FRMD4B: variants seen among roughly 807,000 people sequenced by gnomAD.
FRMD4B encodes FERM domain-containing protein 4B.
Under a neutral mutation model 141.5 loss-of-function variants are expected in FRMD4B, and 74 were observed. The observed-to-expected ratio is 0.52, with a 90% CI of 0.43 to 0.63. The LOEUF (loss-of-function observed/expected upper bound fraction) is 0.63. FRMD4B is among the 30% of genes least tolerant of loss of function. FRMD4B has a pLI of 0.00. For missense variants in FRMD4B, 1,366 were observed against 1,253.4 expected, an observed-to-expected ratio of 1.09 and a Z score of -1.36; for synonymous variants, 506 against 467.9, an observed-to-expected ratio of 1.08 and a Z score of -1.05.
At chr3:69,431,629 A>T (rs946787754) in intron 2 of FRMD4B, among the ~76,000 whole-genome samples, 1 of 152,202 alleles carries the variant, frequency 6.6e-6, no homozygotes, top group African/African-American at 2.4e-5. Flanking sequence ...GTAGGTTTTA[A>T]TATCACCCGC....
At chr3:69,517,511 T>G (rs11924415) in intron 1 of FRMD4B, among the ~76,000 whole-genome samples, 36,778 of 152,022 alleles carry the variant, frequency 0.24, 4,705 homozygotes, top group African/African-American at 0.31. Flanking sequence ...GAAGGAAAAT[T>G]GCCTGACCAT....
intron 5 of FRMD4B, among the ~76,000 whole-genome samples, chr3:69,277,161 C>G (rs945578547): frequency 1.6e-4 from 24 of 152,108 alleles, no homozygotes; most frequent in African/African-American, 4.3e-4. Flanking sequence ...ACTTGTCTTT[C>G]CACATTTATT....
chr3:69,229,529 C>T (rs768175852), intron 7 of FRMD4B, among the ~76,000 whole-genome samples: 7 of 152,222 alleles, frequency 4.6e-5, no homozygotes, highest in African/African-American at 9.6e-5. Flanking sequence ...GAGCTGTGGA[C>T]GTGACTATAA....
chr3:69,456,246 C>T (rs1575808682), intron 1 of FRMD4B, among the ~76,000 whole-genome samples: 1 of 151,438 alleles, frequency 6.6e-6, no homozygotes, highest in Non-Finnish European at 1.5e-5. Context: ...AGTGTTTGCA[C>T]AAAGTAAGAA....
intron 9 of FRMD4B, among the ~76,000 whole-genome samples, chr3:69,218,857 T>A (rs1200438929): frequency 1.3e-5 from 2 of 152,140 alleles, no homozygotes; most frequent in African/African-American, 4.8e-5. Flanking sequence ...TATGTAAACC[T>A]GACTTAAAAA....
chr3:69,397,299 G>A (rs1420288959), intron 2 of FRMD4B, among the ~76,000 whole-genome samples: 1 of 152,092 alleles, frequency 6.6e-6, no homozygotes, highest in African/African-American at 2.4e-5. Flanking sequence ...ATAAGTTGGT[G>A]GTTGCCAGGG....
chr3:69,397,854 G>A (rs905893198), intron 2 of FRMD4B, among the ~76,000 whole-genome samples: 3 of 152,054 alleles, frequency 2.0e-5, no homozygotes, highest in African/African-American at 7.2e-5. Context: ...ATTTTACATA[G>A]GTGAACTATA....
intron 1 of FRMD4B, among the ~76,000 whole-genome samples, chr3:69,456,614 G>C (rs1457639015): frequency 6.6e-6 from 1 of 151,916 alleles, no homozygotes; most frequent in Non-Finnish European, 1.5e-5. Flanking sequence ...AGGAAAGCAG[G>C]GTCCTTGTCT....
rs141416913 is a variant in FRMD4B at position 69,431,077 on chromosome 3, G to A, written c.-1+1557C>T. Among the ~76,000 whole-genome samples, 421 of 152,286 alleles carry A rather than the reference G, an allele frequency of 2.8e-3. 2 individuals carry two copies. The highest frequency in any genetic ancestry group is 9.5e-3 in the African/African-American group (396 of 41,560). ...GTGCAAAAAATCCAAGTGGAAAATC[G>A]CTGCTTGTGTTTTAGAGGGAATCAA... On this transcript the variant is annotated intron_variant, in intron 2 of 5. Transcript: ENST00000459638.
intron 19 of FRMD4B, among the ~76,000 whole-genome samples, chr3:69,183,381 C>T (rs1205301889): frequency 3.9e-5 from 6 of 152,024 alleles, no homozygotes; most frequent in African/African-American, 1.4e-4. Context: ...GATTTGGCCA[C>T]TGGACTGTTG....
intron 3 of FRMD4B, among the ~76,000 whole-genome samples, chr3:69,307,767 C>A (rs930988489): frequency 2.0e-5 from 3 of 152,154 alleles, no homozygotes; most frequent in Non-Finnish European, 4.4e-5. Flanking sequence ...ACCCTCTTTT[C>A]CAGTCTGCCA....
chr3:69,251,629 C>A (rs2093463953), intron 5 of FRMD4B, among the ~76,000 whole-genome samples: 1 of 152,232 alleles, frequency 6.6e-6, no homozygotes, highest in Non-Finnish European at 1.5e-5. Flanking sequence ...AGGAGAGGAT[C>A]TGCTTCAAAG....
chr3:69,528,252 CCCTCCCTTCCTTCCTT>C (rs893518196), intron 1 of FRMD4B, among the ~76,000 whole-genome samples: 14 of 149,514 alleles, frequency 9.4e-5, no homozygotes, highest in Admixed American at 9.3e-4. Flanking sequence ...CTGCCTCCCT[CCCTCCCTTCCTTCCTT>C]CCTACCTTCC....
At chr3:69,240,438 G>A (rs763208851) in intron 7 of FRMD4B, among the ~76,000 whole-genome samples, 118 of 127,944 alleles carry the variant, frequency 9.2e-4, no homozygotes, top group African/African-American at 3.2e-3. Flanking sequence ...CCAAGATAGC[G>A]CCACTGCACA....
chr3:69,183,412 GAAC>G (rs1194702230), intron 19 of FRMD4B, among the ~76,000 whole-genome samples: 1 of 150,388 alleles, frequency 6.6e-6, no homozygotes, highest in Non-Finnish European at 1.5e-5. Flanking sequence ...CCTGGACTAA[GAAC>G]AACAGCTTTA....
chr3:69,484,327 T>C (rs1156501911), intron 1 of FRMD4B, among the ~76,000 whole-genome samples: 2 of 152,126 alleles, frequency 1.3e-5, no homozygotes, highest in Non-Finnish European at 2.9e-5. Context: ...CAAGACACAA[T>C]GCATTCTAGA....
At chr3:69,424,903 C>T (rs1343005007) in intron 2 of FRMD4B, among the ~76,000 whole-genome samples, 3 of 152,096 alleles carry the variant, frequency 2.0e-5, no homozygotes, top group Non-Finnish European at 4.4e-5. Context: ...ATAGAAAAAT[C>T]ACAGGTGCTG....
chr3:69,390,115 C>A (rs1184522627), upstream of FRMD4B, among the ~76,000 whole-genome samples: 1 of 152,076 alleles, frequency 6.6e-6, no homozygotes, highest in Non-Finnish European at 1.5e-5. Context: ...CTTTGAGGAA[C>A]TGGCAGGAAG....
intron 1 of FRMD4B, among the ~76,000 whole-genome samples, chr3:69,505,025 C>T (rs1268051908): frequency 6.6e-6 from 1 of 152,096 alleles, no homozygotes; most frequent in African/African-American, 2.4e-5. Flanking sequence ...CCCAGGGATT[C>T]TATCCTCTTT....
Sources: allele counts gnomAD v4.1 joint callset (sites outside exome capture counted in the v4.1 genomes callset), GRCh38; gene constraint gnomAD v4.1.1; transcripts MANE v1.5; gene names NCBI Gene and HGNC (gene_info 2026-07-23, HGNC 2026-07-21).